SGTA: variants seen among roughly 807,000 people sequenced by gnomAD.
SGTA encodes small glutamine-rich tetratricopeptide repeat-containing protein alpha.
In SGTA, 22 loss-of-function variants were observed where a neutral mutation model predicts 44.3. The ratio of observed to expected loss-of-function variants is 0.50; its 90% CI spans 0.36 to 0.71. The LOEUF is 0.71. SGTA is among the 30% of genes least tolerant of loss of function. The pLI is 0.00. For synonymous variants in SGTA, 174 were observed against 177.6 expected (o/e 0.98, Z 0.16); for missense variants, 341 against 435.9 (o/e 0.78, Z 1.94).
At chr19:2,757,239 C>G in intron 11 of SGTA, 98 bp downstream of exon 11, 1 of 1,419,056 alleles carries the variant, frequency 7.0e-7, no homozygotes, top group Non-Finnish European at 9.5e-7. Context: ...GGCTCCACAG[C>G]CCCCGGGCGT....
At chr19:2,766,864 C>T (rs549457050) in intron 4 of SGTA, among the ~76,000 whole-genome samples, 1 of 152,100 alleles carries the variant, frequency 6.6e-6, no homozygotes, top group South Asian at 2.1e-4. Context: ...GGAAGCTGTG[C>T]AACTTTTGGG....
chr19:2,757,172 T>A (rs1914842728), intron 11 of SGTA, among the ~76,000 whole-genome samples, 165 bp downstream of exon 11: 2 of 152,158 alleles, frequency 1.3e-5, no homozygotes, highest in Admixed American at 1.3e-4. Flanking sequence ...GCCTGGGCGG[T>A]TCAGGGTGAT....
rs771642942 is a variant in SGTA, at chr19:2,761,221, T to A, written c.699+239A>T. The stretch of plus-strand genomic sequence containing the variant: ...ATGGGTCTTGCTTGGGACATCAACA[T>A]TGGGGACACTTTTGATTGTCGAAGC... On this transcript the variant is annotated intron_variant, in intron 8 of 11. Transcript: ENST00000221566. The surrounding 1 kb of genome is among the most constrained non-coding windows in gnomAD (Gnocchi z 5.7). Among the ~76,000 whole-genome samples, 1 of 152,068 alleles carries A rather than the reference T, an allele frequency of 6.6e-6. No homozygotes were observed. The highest frequency in any genetic ancestry group is 2.4e-5 in the African/African-American group (1 of 41,412).
intron 11 of SGTA, among the ~76,000 whole-genome samples, chr19:2,756,726 C>T (rs370243354): frequency 4.0e-5 from 6 of 151,762 alleles, no homozygotes; most frequent in South Asian, 4.2e-4. Context: ...CTGCTGGAGA[C>T]GGACAGGACT....
rs890742581 is a variant in SGTA, at chr19:2,767,487, G to C, written c.207+93C>G. 7 of 1,043,430 alleles carry C rather than the reference G, an allele frequency of 6.7e-6. No homozygotes were observed. The African/African-American group carries it at 1.1e-4, about 16-fold the overall frequency. 64.6% of individuals were successfully genotyped at this position (1,043,430 alleles called of 1,614,324 possible). A position where few individuals can be genotyped will look rare whatever the true frequency, so the allele number is the denominator to read the frequency against. ...AGAGGATGCAGGCAGAGTGCTGGGG[G>C]ACGATGAGAGCGGGGCTCCTGGGGT... On this transcript the variant is annotated intron_variant, in intron 3 of 11. Transcript: ENST00000221566. This position sits in a 1 kb window ranked among gnomAD's most constrained non-coding sequence, Gnocchi z 7.3.
intron 1 of SGTA, among the ~76,000 whole-genome samples, chr19:2,779,827 C>G (rs890905238): frequency 6.6e-6 from 1 of 152,182 alleles, no homozygotes; most frequent in Non-Finnish European, 1.5e-5. Flanking sequence ...AATCCCAGCA[C>G]TTTGGGAGGC....
At chr19:2,757,012 G>A (rs1716008939) in intron 11 of SGTA, among the ~76,000 whole-genome samples, 2 of 152,172 alleles carry the variant, frequency 1.3e-5, no homozygotes, top group South Asian at 4.1e-4. Context: ...GCGGCCTTAG[G>A]CAGGGGGGAC....
chr19:2,774,410 G>A lies in SGTA; in HGVS notation c.-23-5319C>T, dbSNP rs569599426. 8.5e-5 allele frequency among the ~76,000 whole-genome samples: 13 copies of A among 152,340 alleles called. No homozygotes were observed. The South Asian group carries it at 2.7e-3, about 32-fold the overall frequency. On this transcript the variant is annotated intron_variant, in intron 1 of 11. Transcript: ENST00000221566. ...GCTGCGCGTTGCTCACTGTGCTGCG[G>A]TCCCAGGAGCCAGCTGCCCGAGGGG...
chr19:2,759,177 G>A, intron 9 of SGTA, 80 bp downstream of exon 9: 1 of 1,345,262 alleles, frequency 7.4e-7, no homozygotes, highest in Non-Finnish European at 1.1e-6. Flanking sequence ...AAAGTGGTTA[G>A]TTTTATGTTA....
intron 8 of SGTA, among the ~76,000 whole-genome samples, chr19:2,759,943 G>A (rs1038352303): frequency 6.6e-6 from 1 of 152,080 alleles, no homozygotes; most frequent in African/African-American, 2.4e-5. Flanking sequence ...CTGGGTGACA[G>A]AGTGAGACTC....
At chr19:2,757,547 C>T in intron 10 of SGTA, 90 bp from the exon 11 acceptor site, 1 of 1,531,898 alleles carries the variant, frequency 6.5e-7, no homozygotes, top group Non-Finnish European at 8.7e-7. Context: ...GGCCCTCCAC[C>T]CCAAAGACAG....
intron 1 of SGTA, among the ~76,000 whole-genome samples, chr19:2,779,959 C>T (rs563181110): frequency 1.3e-5 from 2 of 151,914 alleles, no homozygotes; most frequent in Non-Finnish European, 2.9e-5. Flanking sequence ...TGTGGCGGCA[C>T]ACACTAGTAG....
At chr19:2,768,456 C>T (rs1202809468) in intron 2 of SGTA, among the ~76,000 whole-genome samples, 5 of 152,268 alleles carry the variant, frequency 3.3e-5, no homozygotes, top group Admixed American at 6.5e-5. Context: ...TGCAGCCACA[C>T]GAGGGTGCCT....
chr19:2,761,579 AC>A lies in SGTA; in HGVS notation c.637-58del. 5 of 1,373,474 alleles carry A rather than the reference AC, an allele frequency of 3.6e-6. No homozygotes were observed. The highest frequency in any genetic ancestry group is 4.1e-6 in the Non-Finnish European group (4 of 986,490). The allele number at this position is 1,373,474 out of a possible 1,614,324, so 85.1% of individuals were successfully genotyped here. On this transcript the variant is annotated intron_variant, in intron 7 of 11. Coordinates refer to ENST00000221566, the MANE Select transcript of SGTA (RefSeq NM_003021.4). This position sits in a 1 kb window ranked among gnomAD's most constrained non-coding sequence, Gnocchi z 5.7. ...CCTGGACCAGAGGCCACGGTGAATA[AC>A]CCCCTGGAACTCAGAAACAACGGCC... is the stretch of plus-strand genomic sequence containing the variant.
chr19:2,781,668 G>A (rs918041727), intron 1 of SGTA, among the ~76,000 whole-genome samples: 2 of 151,870 alleles, frequency 1.3e-5, no homozygotes, highest in African/African-American at 4.8e-5. Flanking sequence ...ACCCAGCTCC[G>A]AGGATGAAAA....
At chr19:2,772,390 G>C (rs192226155) in intron 1 of SGTA, among the ~76,000 whole-genome samples, 9 of 152,360 alleles carry the variant, frequency 5.9e-5, no homozygotes, top group Admixed American at 5.2e-4. Context: ...AGGAAACTCT[G>C]ACCCAGCACC....
rs1035218976 is a variant in SGTA, at chr19:2,761,507, T to C, written c.652A>G (p.Ser218Gly). ...EAPSPTGGVG[S>G]FDIAGLLNNP... ...TTCAGCAGGCCGGCGATGTCGAAGC[T>C]GCCCACGCCTCCCGTCTGAGGATGA... is the stretch of plus-strand genomic sequence containing the variant. Residue 218 changes from serine to glycine, a missense_variant, in exon 8 of 12, where the codon AGC becomes GGC. Ser to Gly is a moderately conservative substitution (Grantham distance 56). Transcript: ENST00000221566. This position sits in a 1 kb window ranked among gnomAD's most constrained non-coding sequence, Gnocchi z 5.7. 87 of 1,551,394 alleles carry C rather than the reference T, an allele frequency of 5.6e-5. No homozygotes were observed. Among genetic ancestry groups the C allele is most frequent in the Non-Finnish European group, 7.3e-5 (84 of 1,146,902 alleles).
At chr19:2,774,723 C>T (rs1915403858) in intron 1 of SGTA, among the ~76,000 whole-genome samples, 2 of 152,182 alleles carry the variant, frequency 1.3e-5, no homozygotes, top group Admixed American at 6.6e-5. Context: ...CTCAAGCAAT[C>T]CTCCCACCCT....
rs929707209 is a variant in SGTA, at chr19:2,765,009, G to A, written c.392+177C>T. Among the ~76,000 whole-genome samples, 1 of 151,992 alleles carries A rather than the reference G, an allele frequency of 6.6e-6. No individual in the cohort carries two copies. Among genetic ancestry groups the A allele is most frequent in the Non-Finnish European group, 1.5e-5 (1 of 68,012 alleles). On this transcript the variant is annotated intron_variant, in intron 5 of 11. Coordinates refer to ENST00000221566, the MANE Select transcript of SGTA (RefSeq NM_003021.4). The surrounding 1 kb of genome is among the most constrained non-coding windows in gnomAD (Gnocchi z 5.5). The stretch of plus-strand genomic sequence containing the variant: ...TGCTACCTGATTTTAAATCAGCATC[G>A]ACTCTCCCCGACCCCGTTGCTGGTC...
Sources: allele counts gnomAD v4.1 joint callset (sites outside exome capture counted in the v4.1 genomes callset), GRCh38; gene constraint gnomAD v4.1.1; non-coding constraint Gnocchi (gnomAD v3.1); transcripts MANE v1.5; gene names NCBI Gene and HGNC (gene_info 2026-07-23, HGNC 2026-07-21).